The following ANAPC10 variants were observed in gnomAD, a reference collection of about 807,000 sequenced individuals.
The protein encoded by ANAPC10 is anaphase-promoting complex subunit 10.
Under a neutral mutation model 22.0 loss-of-function variants are expected in ANAPC10, and 12 were observed. That is an observed-to-expected ratio of 0.55 (90% CI 0.35 to 0.88). The LOEUF is 0.88. Among genes scored for constraint, ANAPC10 ranks in the 40% least tolerant of loss-of-function variants. ANAPC10 has a pLI of 0.01. For missense variants in ANAPC10, 188 were observed against 220.9 expected (o/e 0.85, Z 0.94); for synonymous variants, 65 against 69.5 (o/e 0.94, Z 0.32).
At chr4:145,097,447 A>T in intron 1 of ANAPC10, 1 of 1,279,286 alleles carries the variant, frequency 7.8e-7, no homozygotes, top group Non-Finnish European at 1.0e-6. Context: ...ACTGCTACTG[A>T]ACATTGTTAT....
intron 4 of ANAPC10, among the ~76,000 whole-genome samples, chr4:145,054,604 AGTGT>A (rs70956823): frequency 0.21 from 26,469 of 127,622 alleles, 3,069 homozygotes; most frequent in Non-Finnish European, 0.28. Flanking sequence ...CATACTGAAT[AGTGT>A]GTGTGTGTGT....
chr4:145,028,165 T>G (rs189125580), intron 4 of ANAPC10, among the ~76,000 whole-genome samples: 125 of 152,284 alleles, frequency 8.2e-4, no homozygotes, highest in Non-Finnish European at 1.6e-3. Flanking sequence ...TGCCTGTGTG[T>G]GTGTTGCCAA....
intron 3 of ANAPC10, among the ~76,000 whole-genome samples, chr4:145,071,319 T>C (rs1744458694): frequency 6.6e-6 from 1 of 152,148 alleles, no homozygotes; most frequent in African/African-American, 2.4e-5. Flanking sequence ...GGCAGGAGAA[T>C]TGCTTGAATC....
intron 2 of ANAPC10, among the ~76,000 whole-genome samples, chr4:145,089,391 A>G (rs1409881717): frequency 6.6e-6 from 1 of 152,174 alleles, no homozygotes; most frequent in East Asian, 1.9e-4. Flanking sequence ...TCTTTGTATC[A>G]AATATAGAGT....
intron 3 of ANAPC10, among the ~76,000 whole-genome samples, chr4:145,080,062 A>G (rs1745748466): frequency 6.8e-6 from 1 of 146,316 alleles, no homozygotes; most frequent in South Asian, 2.3e-4. Context: ...TGCAGTGAAC[A>G]GAGATCACGC....
intron 4 of ANAPC10, among the ~76,000 whole-genome samples, chr4:145,031,897 G>A (rs867603932): frequency 1.3e-5 from 2 of 152,180 alleles, no homozygotes; most frequent in South Asian, 4.1e-4. Flanking sequence ...TGACTATCAT[G>A]AACTGGGCGC....
At chr4:144,997,194 T>C (rs1731752105) in intron 4 of ANAPC10, among the ~76,000 whole-genome samples, 1 of 151,952 alleles carries the variant, frequency 6.6e-6, no homozygotes, top group Admixed American at 6.6e-5. Context: ...ACTTCCCCAA[T>C]CTAGCAAGGC....
At chr4:145,023,191 C>T (rs1736204031) in intron 4 of ANAPC10, among the ~76,000 whole-genome samples, 1 of 151,950 alleles carries the variant, frequency 6.6e-6, no homozygotes, top group African/African-American at 2.4e-5. Flanking sequence ...AAAGAGTATG[C>T]ACAATATGAT....
At chr4:145,026,418 G>C (rs367804171) in intron 4 of ANAPC10, among the ~76,000 whole-genome samples, 1 of 151,896 alleles carries the variant, frequency 6.6e-6, no homozygotes, top group African/African-American at 2.4e-5. Context: ...AAGTGCATGG[G>C]AAAAAAACAG....
At chr4:145,022,797 C>CAA (rs750015564) in intron 4 of ANAPC10, among the ~76,000 whole-genome samples, 12 of 85,162 alleles carry the variant, frequency 1.4e-4, no homozygotes, top group African/African-American at 3.3e-4. Flanking sequence ...ACTGCCAAAC[C>CAA]AAAAAAAAAA....
chr4:145,072,452 T>A (rs1744625302), intron 3 of ANAPC10, among the ~76,000 whole-genome samples: 2 of 152,208 alleles, frequency 1.3e-5, no homozygotes. Context: ...CCAAATAGTT[T>A]AACAAAATAT....
At chr4:145,068,116 T>C (rs1415008418) in intron 3 of ANAPC10, among the ~76,000 whole-genome samples, 2 of 152,180 alleles carry the variant, frequency 1.3e-5, no homozygotes, top group East Asian at 1.9e-4. Flanking sequence ...GAGGCTGCCA[T>C]ACCACTCCTG....
chr4:145,029,469 G>GT (rs1737229051), intron 4 of ANAPC10, among the ~76,000 whole-genome samples: 1 of 152,100 alleles, frequency 6.6e-6, no homozygotes, highest in Admixed American at 6.5e-5. Flanking sequence ...GAAAAGAACT[G>GT]TTTGAGTTCT....
intron 4 of ANAPC10, among the ~76,000 whole-genome samples, chr4:145,037,856 A>G (rs1738829163): frequency 6.7e-6 from 1 of 149,868 alleles, no homozygotes; most frequent in Admixed American, 6.7e-5. Context: ...CTGAGGCAGG[A>G]GGATCGATTG....
chr4:145,035,452 A>G (rs934121949), intron 4 of ANAPC10: 1 of 152,148 alleles, frequency 6.6e-6, no homozygotes, highest in Non-Finnish European at 1.5e-5. Context: ...GATCATATAC[A>G]TTGTCATTAT....
chr4:145,074,098 G>A (rs896748187), intron 3 of ANAPC10, among the ~76,000 whole-genome samples: 1 of 151,382 alleles, frequency 6.6e-6, no homozygotes, highest in Non-Finnish European at 1.5e-5. Flanking sequence ...CTTCCCAAGA[G>A]AATTAGCCCT....
intron 4 of ANAPC10, among the ~76,000 whole-genome samples, chr4:145,028,572 T>C (rs560824982): frequency 6.6e-6 from 1 of 152,234 alleles, no homozygotes; most frequent in Admixed American, 6.5e-5. Flanking sequence ...ATATTAAGGA[T>C]GGGGTTGTTT....
At chr4:144,996,923 G>A (rs963580705) in intron 4 of ANAPC10, among the ~76,000 whole-genome samples, 8 of 152,238 alleles carry the variant, frequency 5.3e-5, no homozygotes, top group Admixed American at 2.6e-4. Context: ...ACCATGGCAC[G>A]AGAACTATGT....
rs1391727851 is a variant in ANAPC10 at position 145,096,117 on chromosome 4, T to A, written c.-12-6A>T. ...GTAGTCATTTTTAAAATATTCTATG[T>A]AGAAAACAAGAATGCACACATTGTA... On this transcript the variant is annotated splice_region_variant and splice_polypyrimidine_tract_variant and intron_variant, in intron 1 of 4. Transcript: ENST00000507656. The A allele has an allele frequency of 1.2e-6, 2 of 1,611,608 alleles. No individual in the cohort carries two copies.
Sources: gnomAD v4.1 joint callset for allele counts (sites outside exome capture counted in the v4.1 genomes callset) on GRCh38, gnomAD v4.1.1 for gene constraint, MANE v1.5 for transcripts, NCBI Gene and HGNC (gene_info 2026-07-23, HGNC 2026-07-21) for gene names.